NOVA1: variants seen among roughly 807,000 people sequenced by gnomAD.
NOVA1 encodes the protein RNA-binding protein Nova-1.
In NOVA1, 7 loss-of-function variants were observed where a neutral mutation model predicts 38.0. The ratio of observed to expected loss-of-function variants is 0.18; its 90% confidence interval spans 0.10 to 0.35. The LOEUF is 0.35. Among genes scored for constraint, NOVA1 ranks in the 10% least tolerant of loss-of-function variants. The pLI is 1.00. For missense variants in NOVA1, 460 were observed against 616.0 expected, an observed-to-expected ratio of 0.75 and a Z score of 2.68; for synonymous variants, 270 against 232.5, an observed-to-expected ratio of 1.16 and a Z score of -1.47.
intron 2 of NOVA1, among the ~76,000 whole-genome samples, chr14:26,539,032 T>A (rs1890285382): frequency 1.3e-5 from 2 of 152,132 alleles, no homozygotes; most frequent in African/African-American, 4.8e-5. Flanking sequence ...TTCTCCTATA[T>A]CCTAGCTAAA....
At chr14:26,518,175 A>G (rs546208378) in intron 2 of NOVA1, among the ~76,000 whole-genome samples, 1 of 152,198 alleles carries the variant, frequency 6.6e-6, no homozygotes, top group East Asian at 1.9e-4. Flanking sequence ...TCCCTGTTCA[A>G]GATGAAGAAA....
At chr14:26,470,483 T>C (rs778433598) in intron 4 of NOVA1, 5 of 1,552,490 alleles carry the variant, frequency 3.2e-6, no homozygotes, top group Middle Eastern at 3.4e-4. Context: ...CCAGGAGATA[T>C]TATGCTTCTT....
At chr14:26,498,716 A>T (rs178197) in intron 2 of NOVA1, among the ~76,000 whole-genome samples, 140,573 of 152,148 alleles carry the variant, frequency 0.92, 65,766 homozygotes, top group East Asian at 1. Flanking sequence ...TCACAAAGAG[A>T]CTTATTTCTG....
At chr14:26,577,860 A>G (rs547851021) in intron 2 of NOVA1, among the ~76,000 whole-genome samples, 1 of 152,264 alleles carries the variant, frequency 6.6e-6, no homozygotes, top group East Asian at 1.9e-4. Context: ...TCATCAGTGT[A>G]GAGTTCAGAT....
intron 2 of NOVA1, among the ~76,000 whole-genome samples, chr14:26,505,662 T>C (rs1175584541): frequency 1.3e-5 from 2 of 152,196 alleles, no homozygotes; most frequent in Non-Finnish European, 2.9e-5. Flanking sequence ...CACACATATA[T>C]GCCTGATAAT....
chr14:26,507,935 A>G (rs1887765433), intron 2 of NOVA1, among the ~76,000 whole-genome samples: 1 of 152,088 alleles, frequency 6.6e-6, no homozygotes, highest in Non-Finnish European at 1.5e-5. Context: ...AAAAGAATAA[A>G]CAAATTCTGT....
At chr14:26,493,671 C>A (rs182121981) in intron 2 of NOVA1, among the ~76,000 whole-genome samples, 91 of 152,274 alleles carry the variant, frequency 6.0e-4, no homozygotes, top group Non-Finnish European at 9.3e-4. Context: ...AGCCTCTAAT[C>A]CAAGTGAGGA....
At chr14:26,568,206 A>G (rs144126412) in intron 2 of NOVA1, among the ~76,000 whole-genome samples, 1 of 152,338 alleles carries the variant, frequency 6.6e-6, no homozygotes, top group East Asian at 1.9e-4. Context: ...CTTTCTCAAA[A>G]TTCCTATCAG....
chr14:26,589,306 A>G (rs904719965), intron 2 of NOVA1, among the ~76,000 whole-genome samples: 1 of 151,724 alleles, frequency 6.6e-6, no homozygotes, highest in Non-Finnish European at 1.5e-5. Context: ...CACACAAGAA[A>G]CTTGTATATA....
intron 2 of NOVA1, among the ~76,000 whole-genome samples, chr14:26,539,881 C>A (rs1180202963): frequency 2.0e-5 from 3 of 149,934 alleles, no homozygotes; most frequent in Admixed American, 6.6e-5. Flanking sequence ...AAAAAAAAAA[C>A]AAGCTATCTC....
At chr14:26,461,375 T>C (rs1883651197) in intron 4 of NOVA1, among the ~76,000 whole-genome samples, 1 of 152,146 alleles carries the variant, frequency 6.6e-6, no homozygotes, top group East Asian at 1.9e-4. Context: ...ACCTGATATT[T>C]ACCAAATATT....
At chr14:26,576,590 T>C (rs1340287993) in intron 2 of NOVA1, among the ~76,000 whole-genome samples, 1 of 151,846 alleles carries the variant, frequency 6.6e-6, no homozygotes, top group Non-Finnish European at 1.5e-5. Flanking sequence ...TCATTCACAA[T>C]GTGTGTGTCT....
intron 2 of NOVA1, among the ~76,000 whole-genome samples, chr14:26,584,199 T>A (rs1893386430): frequency 6.6e-6 from 1 of 151,396 alleles, no homozygotes; most frequent in Non-Finnish European, 1.5e-5. Context: ...ACAACTCACA[T>A]TTCTTAACAT....
intron 4 of NOVA1, among the ~76,000 whole-genome samples, chr14:26,471,442 C>T (rs1055361060): frequency 2.0e-5 from 3 of 150,892 alleles, no homozygotes; most frequent in African/African-American, 7.3e-5. Context: ...CCCATAAAGC[C>T]TTTTATTATT....
At chr14:26,539,190 A>G (rs1890295155) in intron 2 of NOVA1, among the ~76,000 whole-genome samples, 1 of 152,184 alleles carries the variant, frequency 6.6e-6, no homozygotes, top group Non-Finnish European at 1.5e-5. Context: ...TATCCCCAGC[A>G]TGCAGGACAG....
chr14:26,485,474 A>G (rs1163292507), intron 2 of NOVA1, among the ~76,000 whole-genome samples: 1 of 152,164 alleles, frequency 6.6e-6, no homozygotes, highest in African/African-American at 2.4e-5. Context: ...TAATTTAACA[A>G]TTTTTTTCTT....
chr14:26,487,376 A>G (rs1294764885), intron 2 of NOVA1, among the ~76,000 whole-genome samples: 1 of 152,206 alleles, frequency 6.6e-6, no homozygotes, highest in African/African-American at 2.4e-5. Context: ...AACAGTAATC[A>G]TCCTTCCTTA....
chr14:26,571,611 G>C (rs944163386), intron 2 of NOVA1, among the ~76,000 whole-genome samples: 5 of 152,188 alleles, frequency 3.3e-5, no homozygotes, highest in Non-Finnish European at 7.3e-5. Context: ...CTAGAACACA[G>C]AGGGCCTACA....
intron 2 of NOVA1, among the ~76,000 whole-genome samples, chr14:26,566,319 T>C (rs1892133922): frequency 6.6e-6 from 1 of 152,098 alleles, no homozygotes; most frequent in Admixed American, 6.6e-5. Context: ...ATAGTTACCA[T>C]TAATAATCAA....
Sources: gnomAD v4.1 joint callset for allele counts (sites outside exome capture counted in the v4.1 genomes callset) on GRCh38, gnomAD v4.1.1 for gene constraint, MANE v1.5 for transcripts, NCBI Gene and HGNC (gene_info 2026-07-23, HGNC 2026-07-21) for gene names.